The following PRRC2C variants were observed in gnomAD, a reference collection of about 807,000 sequenced individuals.
PRRC2C encodes protein PRRC2C.
In PRRC2C, 72 loss-of-function variants were observed where a neutral mutation model predicts 317.2. That is an observed-to-expected ratio of 0.23 (90% CI 0.19 to 0.28). The LOEUF is 0.28. PRRC2C is among the 10% of genes least tolerant of loss of function. The pLI is 1.00. For synonymous variants in PRRC2C, 1,296 were observed against 1,205.9 expected, an observed-to-expected ratio of 1.07 and a Z score of -1.55; for missense variants, 3,074 against 3,459.7, an observed-to-expected ratio of 0.89 and a Z score of 2.80.
intron 26 of PRRC2C, 145 bp from the exon 27 acceptor site, chr1:171,579,209 G>A (rs1647944259): frequency 8.9e-7 from 1 of 1,127,208 alleles, no homozygotes; most frequent in Non-Finnish European, 1.2e-6. Flanking sequence ...TTTGCATCTT[G>A]TCACGTTTTT....
chr1:171,592,077 G>A lies in PRRC2C; in HGVS notation c.*230G>A. Reference sequence around the variant, plus strand: ...CTATATAACATGTGCTTGGTTGATGGCCATGCATCTTCAGTCAGAATTTAT... The same window carrying A: ...CTATATAACATGTGCTTGGTTGATGACCATGCATCTTCAGTCAGAATTTAT... On this transcript the variant is annotated 3_prime_UTR_variant, in exon 35 of 35. Transcript: ENST00000647382. 1 of 444,410 alleles carries A rather than the reference G, an allele frequency of 2.3e-6. No individual in the cohort carries two copies. The highest frequency in any genetic ancestry group is 3.4e-5 in the East Asian group (1 of 29,324). 27.5% of individuals were successfully genotyped at this position (444,410 alleles called of 1,614,324 possible). A position where few individuals can be genotyped will look rare whatever the true frequency, so the allele number is the denominator to read the frequency against.
intron 1 of PRRC2C, among the ~76,000 whole-genome samples, chr1:171,495,858 A>G (rs901571243): frequency 6.6e-5 from 10 of 152,310 alleles, no homozygotes; most frequent in African/African-American, 2.4e-4. Context: ...ATGGCTTAAA[A>G]AACAGAAATT....
chr1:171,579,291 A>G, intron 26 of PRRC2C, 63 bp from the exon 27 acceptor site: 1 of 1,520,144 alleles, frequency 6.6e-7, no homozygotes, highest in South Asian at 1.3e-5. Flanking sequence ...GTTTTTATTT[A>G]CTGTTTGGAA....
chr1:171,532,099 C>T (rs1012903395), intron 11 of PRRC2C, among the ~76,000 whole-genome samples: 11 of 152,186 alleles, frequency 7.2e-5, no homozygotes, highest in East Asian at 3.8e-4. Context: ...TGAGCAACAA[C>T]GTCTGGCACA....
intron 1 of PRRC2C, chr1:171,509,590 T>G (rs4276951): frequency 0.81 from 122,623 of 151,838 alleles, 49,631 homozygotes; most frequent in Middle Eastern, 0.9. Context: ...ATGCCCAGTT[T>G]CCCCCCTGCC....
intron 23 of PRRC2C, 70 bp downstream of exon 23, chr1:171,568,409 C>A: frequency 6.5e-7 from 1 of 1,528,954 alleles, no homozygotes; most frequent in South Asian, 1.2e-5. Context: ...CACATTATTT[C>A]ATGTTTTATT....
intron 18 of PRRC2C, among the ~76,000 whole-genome samples, chr1:171,555,541 GT>G (rs1681204603): frequency 6.6e-6 from 1 of 152,194 alleles, no homozygotes; most frequent in Non-Finnish European, 1.5e-5. Flanking sequence ...GAGGAGAAGA[GT>G]TGCTCTGGTT....
In PRRC2C at chr1:171,537,485, T is replaced by C. The variant is rs530424372; in HGVS notation, c.2504+12T>C. The C allele has an allele frequency of 3.2e-6, 5 of 1,543,624 alleles. No homozygotes were observed. The South Asian group carries it at 6.0e-5, about 18-fold the overall frequency. ...CCTGAGGATGTAAGGTAATAAATTA[T>C]TTCAATTTAATAGATGATACAGAAT... On this transcript the variant is annotated intron_variant, in intron 15 of 34. Transcript: ENST00000647382.
rs555118554 is a variant in PRRC2C at position 171,566,853 on chromosome 1, A to G, written c.6558+10A>G. On this transcript the variant is annotated intron_variant, in intron 22 of 34. Transcript: ENST00000647382. ...TGGTACTAATGCAAAGGTAAGCCACATGTAGGGATTACCAGTTCAACAGAT... is the reference window on the plus strand; with the variant it reads ...TGGTACTAATGCAAAGGTAAGCCACGTGTAGGGATTACCAGTTCAACAGAT... 9 of 1,602,634 alleles carry G rather than the reference A, an allele frequency of 5.6e-6. No individual in the cohort carries two copies. In the East Asian group the frequency reaches 6.7e-5, roughly 12 times the overall value.
chr1:171,523,380 T>G (rs766267667), intron 8 of PRRC2C, 26 bp downstream of exon 8: 2 of 1,613,844 alleles, frequency 1.2e-6, no homozygotes, highest in East Asian at 4.5e-5. Flanking sequence ...AATTAAGTCC[T>G]TTAAATTGTT....
At chr1:171,522,340 C>A (rs929163672) in intron 7 of PRRC2C, 81 bp downstream of exon 7, 1 of 961,748 alleles carries the variant, frequency 1.0e-6, no homozygotes, top group Non-Finnish European at 1.6e-6. Flanking sequence ...TTGTGTGATT[C>A]TGAGTTGTGT....
At chr1:171,495,779 T>A (rs927583270) in intron 1 of PRRC2C, among the ~76,000 whole-genome samples, 1 of 152,176 alleles carries the variant, frequency 6.6e-6, no homozygotes, top group Admixed American at 6.5e-5. Flanking sequence ...AAATTCTGGT[T>A]TTTGAAGTTA....
At chr1:171,522,536 G>A (rs535539623) in intron 7 of PRRC2C, 32 of 192,050 alleles carry the variant, frequency 1.7e-4, no homozygotes, top group Non-Finnish European at 3.0e-4. Flanking sequence ...TTGGAAGGCC[G>A]AGGTGGGCGA....
intron 24 of PRRC2C, among the ~76,000 whole-genome samples, chr1:171,573,621 T>C (rs1327697729): frequency 6.6e-6 from 1 of 151,538 alleles, no homozygotes; most frequent in African/African-American, 2.4e-5. Context: ...AAATTATGAA[T>C]AGTGTGTTTT....
chr1:171,522,358 C>T (rs955285083), intron 7 of PRRC2C, 99 bp downstream of exon 7: 38 of 748,154 alleles, frequency 5.1e-5, no homozygotes, highest in East Asian at 8.0e-5. Flanking sequence ...TGTAATTGAT[C>T]GTTTTCCTAT....
At chr1:171,565,252 A>G (rs974976687) in intron 20 of PRRC2C, among the ~76,000 whole-genome samples, 2 of 152,138 alleles carry the variant, frequency 1.3e-5, no homozygotes, top group African/African-American at 2.4e-5. Flanking sequence ...TCTAGATTCA[A>G]TGTCAGTGTG....
chr1:171,513,501 A>G lies in PRRC2C; in HGVS notation c.290+329A>G, dbSNP rs1230523891. ...GAGTTGACTCCGATACCTAAATTCC[A>G]TGATACTAAGGATGTCTGTCTGCCA... On this transcript the variant is annotated intron_variant, in intron 3 of 34. Coordinates refer to ENST00000647382, the MANE Select transcript of PRRC2C (RefSeq NM_001387844.1). 1.7e-5 allele frequency: 8 copies of G among 470,948 alleles called. No homozygotes were observed. The East Asian group carries it at 1.9e-4, about 11-fold the overall frequency. The allele number at this position is 470,948 out of a possible 1,614,324, so 29.2% of individuals were successfully genotyped here. A position where few individuals can be genotyped will look rare whatever the true frequency, so the allele number is the denominator to read the frequency against.
chr1:171,492,696 C>T (rs920157892), intron 1 of PRRC2C, among the ~76,000 whole-genome samples: 1 of 151,604 alleles, frequency 6.6e-6, no homozygotes, highest in Non-Finnish European at 1.5e-5. Flanking sequence ...TAAGGTGACC[C>T]TGTTTCTTAT....
At chr1:171,591,392 A>G (rs890974455) in intron 34 of PRRC2C, 195 bp from the exon 35 acceptor site, 2 of 504,900 alleles carry the variant, frequency 4.0e-6, no homozygotes, top group Middle Eastern at 1.4e-3. Context: ...TTTTTTTTAA[A>G]TCACATGAAA....
Sources: allele counts gnomAD v4.1 joint callset (sites outside exome capture counted in the v4.1 genomes callset), GRCh38; gene constraint gnomAD v4.1.1; transcripts MANE v1.5; gene names NCBI Gene and HGNC (gene_info 2026-07-23, HGNC 2026-07-21).